The following ACADSB variants were observed in gnomAD, a reference collection of about 807,000 sequenced individuals.
The protein encoded by ACADSB is acyl-CoA dehydrogenase short/branched chain.
In ACADSB, 40 loss-of-function variants were observed where a neutral mutation model predicts 54.1. The ratio of observed to expected loss-of-function variants is 0.74; its 90% CI spans 0.57 to 0.96. The LOEUF (loss-of-function observed/expected upper bound fraction) is 0.96. Among genes scored for constraint, ACADSB ranks in the 40% least tolerant of loss-of-function variants. ACADSB has a pLI of 0.00. For synonymous variants in ACADSB, 182 were observed against 182.8 expected, an observed-to-expected ratio of 1.00 and a Z score of 0.03; for missense variants, 530 against 510.4, an observed-to-expected ratio of 1.04 and a Z score of -0.37.
At chr10:123,015,215 T>G (rs983029988) in intron 1 of ACADSB, among the ~76,000 whole-genome samples, 1 of 152,240 alleles carries the variant, frequency 6.6e-6, no homozygotes. Context: ...AAATATATCT[T>G]TGTCTTCCGT....
chr10:123,021,410 C>T (rs1366511387), intron 1 of ACADSB, among the ~76,000 whole-genome samples: 1 of 152,172 alleles, frequency 6.6e-6, no homozygotes, highest in Non-Finnish European at 1.5e-5. Context: ...TATGTTCACA[C>T]AGAGAATTTC....
Position 123,057,056 on chromosome 10 carries a change from T to A in ACADSB, c.*3291T>A, listed in dbSNP as rs1015724854. The A allele has an allele frequency of 1.3e-5, 2 of 152,646 alleles. No individual in the cohort carries two copies. The highest frequency in any genetic ancestry group is 4.8e-5 in the African/African-American group (2 of 41,458). 9.5% of individuals were successfully genotyped at this position (152,646 alleles called of 1,614,324 possible). ...AGAGTATGACATGGATGAAATGCCC[T>A]ACAGGGGCCTTGGACATCTTTAATT... On this transcript the variant is annotated 3_prime_UTR_variant, in exon 11 of 11. Coordinates refer to ENST00000358776, the MANE Select transcript of ACADSB (RefSeq NM_001609.4).
In ACADSB at chr10:123,043,172, G is replaced by A. The variant is rs1398688038; in HGVS notation, c.807+1G>A. The A allele has an allele frequency of 9.3e-6, 15 of 1,613,664 alleles. No individual in the cohort carries two copies. Among genetic ancestry groups the A allele is most frequent in the Admixed American group, 1.7e-5 (1 of 59,992 alleles). ...CCCGTTAACATTCGAAAATGTCAAGGTGGGTATCGTAGACTAATCAGTAAA... is the reference window on the plus strand; with the variant it reads ...CCCGTTAACATTCGAAAATGTCAAGATGGGTATCGTAGACTAATCAGTAAA... On this transcript the variant is annotated splice_donor_variant, in intron 6 of 10. Coordinates refer to ENST00000358776, the MANE Select transcript of ACADSB (RefSeq NM_001609.4). LOFTEE classifies it high-confidence loss of function.
At chr10:123,042,568 C>A (rs1850489647) in intron 5 of ACADSB, among the ~76,000 whole-genome samples, 1 of 144,512 alleles carries the variant, frequency 6.9e-6, no homozygotes, top group Non-Finnish European at 1.5e-5. Flanking sequence ...TCAAGCAATT[C>A]TCCTGCTTCA....
Position 123,051,112 on chromosome 10 carries a change from A to G in ACADSB, c.1054A>G (p.Asn352Asp). The change falls in exon 9 of 11, where the codon AAT (asparagine) becomes GAT (aspartate). Residue 352 changes from asparagine to aspartate, a missense_variant. Transcript: ENST00000358776. Reference sequence around the variant, plus strand: ...GGAAGCTGCAAGATTACTAACATACAATGCTGCTAGGCTTTTAGAAGCTGG... The same window carrying G: ...GGAAGCTGCAAGATTACTAACATACGATGCTGCTAGGCTTTTAGAAGCTGG... ...QLEAARLLTYNAARLLEAGKP... is the reference protein window; with the variant it reads ...QLEAARLLTYDAARLLEAGKP... 1 of 1,612,048 alleles carries G rather than the reference A, an allele frequency of 6.2e-7. No individual in the cohort carries two copies. The highest frequency in any genetic ancestry group is 8.5e-7 in the Non-Finnish European group (1 of 1,179,628).
chr10:123,053,895 A>C lies in ACADSB; in HGVS notation c.*130A>C, dbSNP rs1429508677. ...ATTCGAATATTTTAATGAAGCCCTT[A>C]GTCAGGGTCCTGGTGTTGGCCTTTT... On this transcript the variant is annotated 3_prime_UTR_variant, in exon 11 of 11. Transcript: ENST00000358776. 1.2e-5 allele frequency: 11 copies of C among 881,850 alleles called. No individual in the cohort carries two copies. The highest frequency in any genetic ancestry group is 1.9e-5 in the Non-Finnish European group (10 of 540,136). 54.6% of individuals were successfully genotyped at this position (881,850 alleles called of 1,614,324 possible).
At chr10:123,031,116 G>A (rs1203079208) in intron 1 of ACADSB, among the ~76,000 whole-genome samples, 1 of 152,210 alleles carries the variant, frequency 6.6e-6, no homozygotes, top group Admixed American at 6.5e-5. Context: ...CCAAATCAAT[G>A]TGATATAAAA....
chr10:123,009,776 G>C (rs1849987762), intron 1 of ACADSB, among the ~76,000 whole-genome samples: 1 of 152,218 alleles, frequency 6.6e-6, no homozygotes, highest in African/African-American at 2.4e-5. Context: ...CACACAAACT[G>C]TTAACAGCCC....
rs536534451 is a variant in ACADSB, at chr10:123,024,674, C to G, written c.43-9682C>G. Among the ~76,000 whole-genome samples the G allele has an allele frequency of 9.2e-5, 14 of 152,322 alleles. No homozygotes were observed. In the East Asian group the frequency reaches 2.7e-3, roughly 29 times the overall value. On this transcript the variant is annotated intron_variant, in intron 1 of 10. Coordinates refer to ENST00000358776, the MANE Select transcript of ACADSB (RefSeq NM_001609.4). Reference sequence around the variant, plus strand: ...CAAACAAAGGAAGAAAAGAATGAAGCAACAAAAGCAAAGATGTATTGAAAA... The same window carrying G: ...CAAACAAAGGAAGAAAAGAATGAAGGAACAAAAGCAAAGATGTATTGAAAA...
intron 2 of ACADSB, 138 bp from the exon 3 acceptor site, chr10:123,037,608 CT>C: frequency 1.7e-6 from 1 of 579,732 alleles, no homozygotes; most frequent in African/African-American, 1.9e-5. Context: ...AAAAAGAAAA[CT>C]TTATAAATTC....
In ACADSB at chr10:123,047,229, A is replaced by T; in HGVS notation, c.921A>T (p.Gly307=). 5 of 1,609,066 alleles carry T rather than the reference A, an allele frequency of 3.1e-6. No homozygotes were observed. The highest frequency in any genetic ancestry group is 4.3e-6 in the Non-Finnish European group (5 of 1,175,326). ...AACAGATGCTGGGACTGGCGCAAGG[A>T]TGTTTTGACTACACTATTCCATATA... is the stretch of plus-strand genomic sequence containing the variant. ...IAAQMLGLAQ[G]CFDYTIPYIK... is the part of the protein sequence containing the mutation. The change falls in exon 8 of 11, where the codon GGA becomes GGT. Residue 307 remains glycine, a synonymous_variant. Coordinates refer to ENST00000358776, the MANE Select transcript of ACADSB (RefSeq NM_001609.4).
At chr10:123,015,894 C>T (rs1272949089) in intron 1 of ACADSB, among the ~76,000 whole-genome samples, 8 of 152,130 alleles carry the variant, frequency 5.3e-5, no homozygotes. Flanking sequence ...AGTAACAAGG[C>T]CCTCAATGAG....
chr10:123,019,131 G>A (rs986482232), intron 1 of ACADSB, among the ~76,000 whole-genome samples: 1 of 152,120 alleles, frequency 6.6e-6, no homozygotes, highest in African/African-American at 2.4e-5. Context: ...CTTTGGGGGT[G>A]GTGAGAGAAT....
chr10:123,009,050 G>C lies in ACADSB; in HGVS notation c.21G>C (p.Arg7=). 1.3e-6 allele frequency: 2 copies of C among 1,547,864 alleles called. No individual in the cohort carries two copies. The highest frequency in any genetic ancestry group is 2.4e-5 in the South Asian group (2 of 84,036). Reference sequence around the variant, plus strand: ...CGAGGATGGAGGGCCTGGCAGTGCGGTTGCTGCGCGGCAGCAGGCTGGTGA... The same window carrying C: ...CGAGGATGGAGGGCCTGGCAGTGCGCTTGCTGCGCGGCAGCAGGCTGGTGA... MEGLAV[R]LLRGSRLLRR... Residue 7 remains arginine (R), a synonymous_variant, in exon 1 of 11, where the codon CGG becomes CGC. Transcript: ENST00000358776.
In ACADSB at chr10:123,052,120, T is replaced by G. The variant is rs1850640577; in HGVS notation, c.1128+934T>G. On this transcript the variant is annotated intron_variant, in intron 9 of 10. Coordinates refer to ENST00000358776, the MANE Select transcript of ACADSB (RefSeq NM_001609.4). The surrounding 1 kb of genome is among the most constrained non-coding windows in gnomAD (Gnocchi z 4.2). The stretch of plus-strand genomic sequence containing the variant: ...TTCCAGCTTTAACCCTTCAGTGGCT[T>G]CTCACAACAAATGGAGCTCTATCTG... Among the ~76,000 whole-genome samples, 1 of 152,206 alleles carries G rather than the reference T, an allele frequency of 6.6e-6. No individual in the cohort carries two copies. The highest frequency in any genetic ancestry group is 1.5e-5 in the Non-Finnish European group (1 of 68,044).
chr10:123,037,829 A>G lies in ACADSB; in HGVS notation c.285A>G (p.Gln95=). ...ENSKMEKSVI[Q]GLFQQGLMGI... ...CGAAAATGGAGAAATCAGTAATACA[A>G]GGATTATTTCAACAAGGGGTACATT... Residue 95 remains glutamine, a synonymous_variant, in exon 3 of 11, where the codon CAA becomes CAG. Coordinates refer to ENST00000358776, the MANE Select transcript of ACADSB (RefSeq NM_001609.4). 6.3e-7 allele frequency: 1 copy of G among 1,598,222 alleles called. No individual in the cohort carries two copies. Among genetic ancestry groups the G allele is most frequent in the Non-Finnish European group, 8.6e-7 (1 of 1,165,774 alleles).
chr10:123,048,469 A>C (rs182621379), intron 8 of ACADSB, among the ~76,000 whole-genome samples: 380 of 152,196 alleles, frequency 2.5e-3, no homozygotes, highest in Non-Finnish European at 4.4e-3. Context: ...TTTTCATTAT[A>C]CTAGAGTACT....
At chr10:123,047,390 T>G in intron 8 of ACADSB, 92 bp downstream of exon 8, 1 of 933,688 alleles carries the variant, frequency 1.1e-6, no homozygotes, top group Non-Finnish European at 1.8e-6. Flanking sequence ...GGGAATCCCT[T>G]CAGGGGGATT....
rs1850471444 is a variant in ACADSB at position 123,041,395 on chromosome 10, A to G, written c.681+16A>G. On this transcript the variant is annotated intron_variant, in intron 5 of 10. Coordinates refer to ENST00000358776, the MANE Select transcript of ACADSB (RefSeq NM_001609.4). ...CCCTACCATTGTAAGTTTGAAAACGAAATTTCTTTCTTTTTCCAAACCCCT... is the reference window on the plus strand; with the variant it reads ...CCCTACCATTGTAAGTTTGAAAACGGAATTTCTTTCTTTTTCCAAACCCCT... 5 of 1,613,866 alleles carry G rather than the reference A, an allele frequency of 3.1e-6. No homozygotes were observed. In the East Asian group the frequency reaches 1.1e-4, roughly 36 times the overall value.
Sources: gnomAD v4.1 joint callset for allele counts (sites outside exome capture counted in the v4.1 genomes callset) on GRCh38, gnomAD v4.1.1 for gene constraint, Gnocchi (gnomAD v3.1) non-coding constraint, MANE v1.5 for transcripts, NCBI Gene and HGNC (gene_info 2026-07-23, HGNC 2026-07-21) for gene names.